URI1: variants seen among roughly 807,000 people sequenced by gnomAD.
URI1 encodes the protein URI1 prefoldin like chaperone, also known as unconventional prefoldin RPB5 interactor 1.
Under a neutral mutation model 60.2 loss-of-function variants are expected in URI1, and 39 were observed. The observed-to-expected ratio is 0.65, with a 90% confidence interval of 0.50 to 0.85. The LOEUF (loss-of-function observed/expected upper bound fraction) is 0.85, where lower values mean the gene tolerates loss of function less well. URI1 is among the 40% of genes least tolerant of loss of function. The pLI is 0.00. For synonymous variants in URI1, 251 were observed against 236.8 expected (o/e 1.06, Z -0.55); for missense variants, 691 against 665.9 (o/e 1.04, Z -0.42).
In URI1 at chr19:29,971,184, T is replaced by G; in HGVS notation, c.118-9T>G. On this transcript the variant is annotated splice_polypyrimidine_tract_variant and intron_variant, in intron 1 of 10. Coordinates refer to ENST00000392271, the MANE Select transcript of URI1 (RefSeq NM_003796.3). ...TTTTTTCATGAGTAGTTATCTGTTT[T>G]CATGACAGGTGGTCACTAACTGCCA... The G allele has an allele frequency of 6.2e-7, 1 of 1,612,358 alleles. No homozygotes were observed. The highest frequency in any genetic ancestry group is 8.5e-7 in the Non-Finnish European group (1 of 1,179,256).
At chr19:29,933,294 C>T (rs2054938500) in intron 1 of URI1, among the ~76,000 whole-genome samples, 1 of 152,114 alleles carries the variant, frequency 6.6e-6, no homozygotes, top group South Asian at 2.1e-4. Context: ...AATATCCTTA[C>T]TTGTTATAGA....
At position 29,970,128 on chromosome 19, in the gene URI1, A is replaced by ATTTTTT. The variant is rs199739403; in HGVS notation, c.118-1042_118-1037dup. Among the ~76,000 whole-genome samples the ATTTTTT allele has an allele frequency of 5.1e-4, 38 of 74,530 alleles. 1 individual carries two copies. Among genetic ancestry groups the ATTTTTT allele is most frequent in the African/African-American group, 1.3e-3 (28 of 20,858 alleles). The allele number at this position is 74,530 out of a possible 152,430, so 48.9% of individuals were successfully genotyped here. ...GACAGGTCTAAAAAAAATCGTGTGT[A>ATTTTTT]TTTTTTTTTTTTTTTTTTTTTTTTT... On this transcript the variant is annotated intron_variant, in intron 1 of 10. Coordinates refer to ENST00000392271, the MANE Select transcript of URI1 (RefSeq NM_003796.3).
chr19:29,933,690 C>T (rs1032545157), intron 1 of URI1, among the ~76,000 whole-genome samples: 3 of 151,468 alleles, frequency 2.0e-5, no homozygotes, highest in East Asian at 2.0e-4. Context: ...GGCATGATGG[C>T]GTGTACCTGT....
At chr19:29,943,704 G>A (rs1483793086) in intron 1 of URI1, among the ~76,000 whole-genome samples, 1 of 152,126 alleles carries the variant, frequency 6.6e-6, no homozygotes, top group African/African-American at 2.4e-5. Context: ...GAAACCACCT[G>A]TTGGGATGAA....
At chr19:29,970,220 A>T (rs1274621740) in intron 1 of URI1, among the ~76,000 whole-genome samples, 1 of 147,218 alleles carries the variant, frequency 6.8e-6, no homozygotes, top group East Asian at 2.0e-4. Context: ...TAGAGCAGTG[A>T]ACTAGAGCAG....
Position 29,949,220 on chromosome 19 carries a change from C to G in URI1, c.117+6556C>G, listed in dbSNP as rs557617570. The stretch of plus-strand genomic sequence containing the variant: ...GGGCGGCTGCCGGGCGGAGGGGCTC[C>G]TCACTTTTCAGACGGGGCGGCCGGG... On this transcript the variant is annotated intron_variant, in intron 1 of 10. Coordinates refer to ENST00000392271, the MANE Select transcript of URI1 (RefSeq NM_003796.3). Among the ~76,000 whole-genome samples, 414 of 149,924 alleles carry G rather than the reference C, an allele frequency of 2.8e-3. 1 individual carries two copies. Among genetic ancestry groups the G allele is most frequent in the African/African-American group, 9.7e-3 (388 of 40,114 alleles).
At chr19:30,011,303 A>T in intron 9 of URI1, 67 bp downstream of exon 9, 1 of 1,522,478 alleles carries the variant, frequency 6.6e-7, no homozygotes, top group East Asian at 2.4e-5. Flanking sequence ...CTGAACCTTT[A>T]CTGGAGAAAG....
intron 4 of URI1, among the ~76,000 whole-genome samples, chr19:29,998,189 A>AAG (rs1477295192): frequency 1.3e-5 from 2 of 152,160 alleles, no homozygotes; most frequent in Non-Finnish European, 2.9e-5. Context: ...CCAGTTAGAA[A>AAG]AGATACTTTA....
chr19:29,999,131 A>G (rs971630897), intron 4 of URI1, among the ~76,000 whole-genome samples: 22 of 152,016 alleles, frequency 1.4e-4, no homozygotes, highest in African/African-American at 5.1e-4. Context: ...TTATATCTTT[A>G]TATATTGTGT....
intron 2 of URI1, among the ~76,000 whole-genome samples, chr19:29,972,903 T>C (rs897359416): frequency 7.9e-5 from 12 of 152,198 alleles, no homozygotes; most frequent in African/African-American, 2.9e-4. Context: ...TGAAGTAATA[T>C]AGTACTTTAT....
intron 4 of URI1, among the ~76,000 whole-genome samples, chr19:29,989,058 C>CT (rs2055709180): frequency 1.3e-5 from 2 of 151,356 alleles, no homozygotes. Flanking sequence ...TTTGTGTCCT[C>CT]TTTTACCTGT....
chr19:29,938,402 A>G (rs1159324988), upstream of URI1, among the ~76,000 whole-genome samples: 1 of 152,232 alleles, frequency 6.6e-6, no homozygotes, highest in African/African-American at 2.4e-5. Context: ...TCATTACTGC[A>G]GAAGAGCAGC....
In URI1 at chr19:29,977,754, G is replaced by A. The variant is rs1032971532; in HGVS notation, c.152+6527G>A. Among the ~76,000 whole-genome samples the A allele has an allele frequency of 4.0e-5, 6 of 151,668 alleles. No individual in the cohort carries two copies. In the East Asian group the frequency reaches 5.8e-4, roughly 15 times the overall value. ...AAAAATGGTGTGAGTTAGTACATGCGCTAGTGATTAAGTGAGTTTGGAACT... is the reference window on the plus strand; with the variant it reads ...AAAAATGGTGTGAGTTAGTACATGCACTAGTGATTAAGTGAGTTTGGAACT... On this transcript the variant is annotated intron_variant, in intron 2 of 10. Transcript: ENST00000392271.
intron 10 of URI1, among the ~76,000 whole-genome samples, chr19:30,014,527 C>CCTAAT (rs1487600361): frequency 6.6e-6 from 1 of 152,102 alleles, no homozygotes; most frequent in Non-Finnish European, 1.5e-5. Context: ...AGTTTGACAC[C>CCTAAT]CTAATAGCAT....
At chr19:29,969,094 A>G (rs548873601) in intron 1 of URI1, among the ~76,000 whole-genome samples, 4 of 152,244 alleles carry the variant, frequency 2.6e-5, no homozygotes, top group African/African-American at 7.2e-5. Context: ...TGATTTCCCA[A>G]ATGTCACTTC....
At chr19:29,964,090 G>T (rs1239087159) in intron 1 of URI1, among the ~76,000 whole-genome samples, 1 of 152,012 alleles carries the variant, frequency 6.6e-6, no homozygotes, top group Non-Finnish European at 1.5e-5. Flanking sequence ...CTTTCTGCTA[G>T]CCATGGCTGT....
At chr19:29,955,407 GTTTCTCA>G (rs1352763829) in intron 1 of URI1, among the ~76,000 whole-genome samples, 1 of 152,056 alleles carries the variant, frequency 6.6e-6, no homozygotes, top group Non-Finnish European at 1.5e-5. Flanking sequence ...TGCATATGTT[GTTTCTCA>G]TTTGTGAAGT....
intron 1 of URI1, among the ~76,000 whole-genome samples, chr19:29,969,586 GT>G (rs1481914383): frequency 6.6e-6 from 1 of 152,138 alleles, no homozygotes; most frequent in Admixed American, 6.5e-5. Flanking sequence ...TCATGTAGAG[GT>G]TAATGAACAT....
At chr19:29,968,640 C>T (rs1288538929) in intron 1 of URI1, among the ~76,000 whole-genome samples, 3 of 128,238 alleles carry the variant, frequency 2.3e-5, no homozygotes, top group African/African-American at 5.8e-5. Context: ...GGCGCGATCT[C>T]GGCTCACTGC....
Sources: allele counts gnomAD v4.1 joint callset (sites outside exome capture counted in the v4.1 genomes callset), GRCh38; gene constraint gnomAD v4.1.1; transcripts MANE v1.5; gene names NCBI Gene and HGNC (gene_info 2026-07-23, HGNC 2026-07-21).